The following ADCY3 variants were observed in gnomAD, a reference collection of about 807,000 sequenced individuals.
ADCY3 encodes the protein adenylate cyclase 3.
Under a neutral mutation model 119.4 loss-of-function variants are expected in ADCY3, and 70 were observed. The ratio of observed to expected loss-of-function variants is 0.59; its 90% CI spans 0.48 to 0.72. The LOEUF (loss-of-function observed/expected upper bound fraction) is 0.72. Ranked by LOEUF, ADCY3 falls within the 30% of genes least tolerant of loss-of-function variation. The pLI is 0.00. For missense variants in ADCY3, 1,238 were observed against 1,541.6 expected (o/e 0.80, Z 3.30); for synonymous variants, 672 against 621.4 (o/e 1.08, Z -1.21).
intron 2 of ADCY3, among the ~76,000 whole-genome samples, chr2:24,885,188 C>G (rs1252801644): frequency 6.6e-6 from 1 of 152,206 alleles, no homozygotes; most frequent in Admixed American, 6.5e-5. Context: ...CCTGCAGGTG[C>G]TCACTTCACC....
chr2:24,864,305 A>G (rs1048321996), intron 3 of ADCY3, among the ~76,000 whole-genome samples: 1 of 152,090 alleles, frequency 6.6e-6, no homozygotes, highest in African/African-American at 2.4e-5. Flanking sequence ...ACAAAACAAA[A>G]CAAAAAAAGC....
At chr2:24,887,235 T>G (rs1380623378) in intron 2 of ADCY3, among the ~76,000 whole-genome samples, 1 of 152,152 alleles carries the variant, frequency 6.6e-6, no homozygotes, top group Non-Finnish European at 1.5e-5. Flanking sequence ...TTGTGAGAAC[T>G]CACTCACTAT....
chr2:24,887,124 T>C (rs1467203910), intron 2 of ADCY3, among the ~76,000 whole-genome samples: 2 of 152,056 alleles, frequency 1.3e-5, no homozygotes, highest in African/African-American at 4.8e-5. Flanking sequence ...CCTCAGGAAA[T>C]TTACAATCAT....
intron 3 of ADCY3, among the ~76,000 whole-genome samples, chr2:24,863,742 C>T (rs1673959372): frequency 6.6e-6 from 1 of 152,078 alleles, no homozygotes; most frequent in African/African-American, 2.4e-5. Flanking sequence ...CAGTGTAGGC[C>T]AAGAAAGCAA....
intron 2 of ADCY3, among the ~76,000 whole-genome samples, chr2:24,911,292 C>T (rs957732669): frequency 2.2e-5 from 3 of 135,292 alleles, no homozygotes; most frequent in African/African-American, 8.7e-5. Context: ...ATGATCAGAG[C>T]TCACTGTAAC....
At chr2:24,856,572 C>A (rs1396407770) in intron 3 of ADCY3, among the ~76,000 whole-genome samples, 2 of 152,156 alleles carry the variant, frequency 1.3e-5, no homozygotes, top group African/African-American at 4.8e-5. Context: ...GGCCTAGTAA[C>A]CTTGGGAGGC....
At chr2:24,832,251 T>C (rs913702305) in intron 11 of ADCY3, 4 of 164,756 alleles carry the variant, frequency 2.4e-5, no homozygotes, top group Non-Finnish European at 5.3e-5. Flanking sequence ...CAGCTGCAGC[T>C]GCTGCCTGGG....
At chr2:24,826,372 C>CCTG in intron 15 of ADCY3, 1 of 481,762 alleles carries the variant, frequency 2.1e-6, no homozygotes, top group Non-Finnish European at 3.7e-6. Context: ...CACATCAGGG[C>CCTG]TGCTCCCCAG....
At chr2:24,821,794 GCT>G in intron 19 of ADCY3, 154 bp from the exon 20 acceptor site, 1 of 1,105,668 alleles carries the variant, frequency 9.0e-7, no homozygotes, top group Non-Finnish European at 1.3e-6. Context: ...AGCCACGCTA[GCT>G]CTGACTTGCC....
At chr2:24,913,428 G>A (rs1028319775) in intron 2 of ADCY3, among the ~76,000 whole-genome samples, 4 of 152,156 alleles carry the variant, frequency 2.6e-5, no homozygotes, top group African/African-American at 9.7e-5. Context: ...GACATTTGGG[G>A]GCAGCCAGAA....
intron 3 of ADCY3, among the ~76,000 whole-genome samples, chr2:24,859,950 C>A (rs560778818): frequency 6.6e-6 from 1 of 152,208 alleles, no homozygotes; most frequent in Non-Finnish European, 1.5e-5. Context: ...CGTGCCCTGG[C>A]TGCAGCATCC....
At position 24,820,823 on chromosome 2, in the gene ADCY3, A is replaced by C. The variant is rs1572763945; in HGVS notation, c.3153T>G (p.Ala1051=). Reference sequence around the variant, plus strand: ...GTGGTTTCCGGGCTCCGATGACCCCAGCCAGAACCCCGCCTTTGTTCATGC... The same window carrying C: ...GTGGTTTCCGGGCTCCGATGACCCCCGCCAGAACCCCGCCTTTGTTCATGC... ...RIGMNKGGVL[A]GVIGARKPHY... is the part of the protein sequence containing the mutation. Residue 1051 remains alanine (A), a synonymous_variant, in exon 21 of 22, where the codon GCT becomes GCG. Transcript: ENST00000679454. 2.5e-6 allele frequency: 4 copies of C among 1,614,098 alleles called. No homozygotes were observed. The East Asian group carries it at 8.9e-5, about 36-fold the overall frequency.
chr2:24,841,354 G>A lies in ADCY3; in HGVS notation c.1101C>T (p.Gly367=), dbSNP rs774992292. 1.1e-5 allele frequency: 18 copies of A among 1,606,574 alleles called. No homozygotes were observed. Among genetic ancestry groups the A allele is most frequent in the South Asian group, 9.0e-5 (8 of 89,280 alleles). The change falls in exon 6 of 22, where the codon GGC becomes GGT. Residue 367 remains glycine (G), a synonymous_variant. Transcript: ENST00000679454. This position sits in a 1 kb window ranked among gnomAD's most constrained non-coding sequence, Gnocchi z 5.8. Reference sequence around the variant, plus strand: ...AGCCGCAGATGCAGTAGTAGCAGTCGCCCAGGATCTTAATCCGCAGCTGGT... The same window carrying A: ...AGCCGCAGATGCAGTAGTAGCAGTCACCCAGGATCTTAATCCGCAGCTGGT... ...KYHQLRIKIL[G]DCYYCICGLP...
At chr2:24,846,453 G>C (rs564268337) in intron 3 of ADCY3, among the ~76,000 whole-genome samples, 3 of 152,322 alleles carry the variant, frequency 2.0e-5, no homozygotes, top group South Asian at 4.1e-4. Context: ...AAGAAGCCCT[G>C]CTAGATTTCA....
At chr2:24,865,487 ATC>A (rs1212442986) in intron 3 of ADCY3, among the ~76,000 whole-genome samples, 1 of 101,688 alleles carries the variant, frequency 9.8e-6, no homozygotes, top group Non-Finnish European at 2.0e-5. Flanking sequence ...ATAGGCTATC[ATC>A]TGTGTGTGTG....
intron 13 of ADCY3, among the ~76,000 whole-genome samples, chr2:24,829,189 G>A (rs1047051455): frequency 6.6e-6 from 1 of 151,336 alleles, no homozygotes; most frequent in African/African-American, 2.4e-5. Flanking sequence ...GCTAATTTTT[G>A]TATTTTTAGT....
At position 24,826,035 on chromosome 2, in the gene ADCY3, C is replaced by T. The variant is rs371984222; in HGVS notation, c.2577+10G>A. ...GGGCACAGAGCGGGGATCGTGCAGG[C>T]GGCACTCACGTGGCGGGAGAAGTAG... On this transcript the variant is annotated intron_variant, in intron 16 of 21. Transcript: ENST00000679454. 5.9e-5 allele frequency: 95 copies of T among 1,613,252 alleles called. No homozygotes were observed. Among genetic ancestry groups the T allele is most frequent in the Middle Eastern group, 1.6e-4 (1 of 6,080 alleles).
At chr2:24,820,377 C>T (rs907165265) in intron 21 of ADCY3, 1 of 1,319,828 alleles carries the variant, frequency 7.6e-7, no homozygotes, top group Admixed American at 3.6e-5. Flanking sequence ...GGTGGCAGCA[C>T]TGTTACCTGG....
At chr2:24,911,655 A>C (rs11896954) in intron 2 of ADCY3, among the ~76,000 whole-genome samples, 70,494 of 140,344 alleles carry the variant, frequency 0.5, 19,655 homozygotes, top group African/African-American at 0.76. Flanking sequence ...AAAAAAAAAA[A>C]AAACACACAC....
Sources: gnomAD v4.1 joint callset for allele counts (sites outside exome capture counted in the v4.1 genomes callset) on GRCh38, gnomAD v4.1.1 for gene constraint, Gnocchi (gnomAD v3.1) non-coding constraint, MANE v1.5 for transcripts, NCBI Gene and HGNC (gene_info 2026-07-23, HGNC 2026-07-21) for gene names.